The following SNX18 variants were observed in gnomAD, a reference collection of about 807,000 sequenced individuals.
SNX18 encodes sorting nexin 18.
A neutral mutation model predicts 48.7 loss-of-function variants in SNX18; 35 were observed. The ratio of observed to expected loss-of-function variants is 0.72; its 90% confidence interval spans 0.55 to 0.95. The LOEUF (loss-of-function observed/expected upper bound fraction) is 0.95, where lower values mean the gene tolerates loss of function less well. Among genes scored for constraint, SNX18 ranks in the 40% least tolerant of loss-of-function variants. The pLI, the probability that SNX18 is intolerant of heterozygous loss-of-function variation, is 0.00. For synonymous variants in SNX18, 492 were observed against 384.7 expected (o/e 1.28, Z -3.26); for missense variants, 824 against 871.0 (o/e 0.95, Z 0.68).
In SNX18 at chr5:54,518,463, C is replaced by T. The variant is rs560789757; in HGVS notation, c.511C>T (p.Leu171=). 3,425 of 1,571,278 alleles carry T rather than the reference C, an allele frequency of 2.2e-3. 6 individuals carry two copies. The highest frequency in any genetic ancestry group is 2.7e-3 in the Non-Finnish European group (3,104 of 1,159,102). The change falls in exon 1 of 2, where the codon CTG becomes TTG. Residue 171 remains leucine, a synonymous_variant. Coordinates refer to ENST00000381410, the MANE Select transcript of SNX18 (RefSeq NM_001102575.2). ...SSTVADEPGA[L]GSGAYPDLDG... ...CACGGTGGCGGACGAGCCGGGCGCTCTGGGCAGCGGAGCATACCCGGACCT... is the reference window on the plus strand; with the variant it reads ...CACGGTGGCGGACGAGCCGGGCGCTTTGGGCAGCGGAGCATACCCGGACCT...
At chr5:54,613,572 G>A in the SNX18 span, among the ~76,000 whole-genome samples, 1 of 152,184 alleles carries the variant, frequency 6.6e-6, no homozygotes, top group East Asian at 1.9e-4. Context: ...AACTTTGGAG[G>A]ACACATTCAA....
At chr5:54,522,516 C>T (rs908598482) in intron 1 of SNX18, among the ~76,000 whole-genome samples, 1 of 152,152 alleles carries the variant, frequency 6.6e-6, no homozygotes, top group Non-Finnish European at 1.5e-5. Context: ...TTTATTTTTA[C>T]TTGGTCATCT....
chr5:54,585,485 C>T, the SNX18 span, among the ~76,000 whole-genome samples: 4 of 151,980 alleles, frequency 2.6e-5, no homozygotes, highest in Non-Finnish European at 2.9e-5. Flanking sequence ...CTGGTTCCAG[C>T]CTGCTGGTCT....
intron 1 of SNX18, among the ~76,000 whole-genome samples, chr5:54,542,965 A>G (rs1374948313): frequency 6.6e-6 from 1 of 152,204 alleles, no homozygotes; most frequent in African/African-American, 2.4e-5. Flanking sequence ...TAGTTTTTGA[A>G]GAGAAATTTT....
chr5:54,577,862 T>C, the SNX18 span, among the ~76,000 whole-genome samples: 127,794 of 152,188 alleles, frequency 0.84, 53,691 homozygotes, highest in Non-Finnish European at 0.86. Flanking sequence ...CACCACATGG[T>C]GGTGGTGGGA....
intron 1 of SNX18, among the ~76,000 whole-genome samples, chr5:54,525,845 C>T (rs1014334488): frequency 6.6e-6 from 1 of 152,184 alleles, no homozygotes; most frequent in African/African-American, 2.4e-5. Flanking sequence ...TAATAGTGTT[C>T]TCTGTCTACT....
chr5:54,588,789 A>T, the SNX18 span, among the ~76,000 whole-genome samples: 1 of 152,194 alleles, frequency 6.6e-6, no homozygotes, highest in Non-Finnish European at 1.5e-5. Context: ...TTGCAAAGGT[A>T]TGATATCATC....
At chr5:54,640,278 A>G in the SNX18 span, among the ~76,000 whole-genome samples, 1 of 150,770 alleles carries the variant, frequency 6.6e-6, no homozygotes, top group Non-Finnish European at 1.5e-5. Flanking sequence ...CGGTAGCTCT[A>G]TCTCGGCTCA....
At chr5:54,578,443 G>A in the SNX18 span, among the ~76,000 whole-genome samples, 2 of 152,168 alleles carry the variant, frequency 1.3e-5, no homozygotes, top group Non-Finnish European at 2.9e-5. Context: ...GAGGCCCTGC[G>A]GCCTTAGTGG....
the SNX18 span, among the ~76,000 whole-genome samples, chr5:54,588,910 G>GCTTAGATCTCAATTTTCTTATCT: frequency 6.6e-6 from 1 of 152,096 alleles, no homozygotes; most frequent in East Asian, 1.9e-4. Context: ...AATTTACCAT[G>GCTTAGATCTCAATTTTCTTATCT]GTATCCTGTG....
At chr5:54,534,078 T>A (rs1426956098) in intron 1 of SNX18, among the ~76,000 whole-genome samples, 3 of 152,130 alleles carry the variant, frequency 2.0e-5, no homozygotes, top group Non-Finnish European at 4.4e-5. Flanking sequence ...CTTGAGCGAC[T>A]TCTAAGCAGC....
chr5:54,647,184 A>G, the SNX18 span, among the ~76,000 whole-genome samples: 1 of 152,362 alleles, frequency 6.6e-6, no homozygotes, highest in African/African-American at 2.4e-5. Flanking sequence ...TTACATCTGT[A>G]TTTATTCAAT....
At chr5:54,625,775 ATGGATAGGC>A in the SNX18 span, among the ~76,000 whole-genome samples, 1 of 152,278 alleles carries the variant, frequency 6.6e-6, no homozygotes, top group Middle Eastern at 3.4e-3. Context: ...TCATTGGCTC[ATGGATAGGC>A]ACATGATCCA....
At chr5:54,566,285 A>G in the SNX18 span, among the ~76,000 whole-genome samples, 7 of 152,232 alleles carry the variant, frequency 4.6e-5, no homozygotes, top group African/African-American at 1.7e-4. Context: ...ATGGTATAGA[A>G]TGGACAAGTT....
the SNX18 span, chr5:54,646,027 C>G: frequency 6.6e-6 from 1 of 152,180 alleles, no homozygotes; most frequent in Non-Finnish European, 1.5e-5. Context: ...GGTTGGGAAA[C>G]TTTTCTGGCA....
chr5:54,519,663 G>C (rs765164796), intron 1 of SNX18, 90 bp downstream of exon 1: 1 of 1,614,220 alleles, frequency 6.2e-7, no homozygotes, highest in African/African-American at 1.3e-5. Context: ...GTGGGTTTCA[G>C]AATCATATTC....
chr5:54,598,244 A>G, the SNX18 span, among the ~76,000 whole-genome samples: 5 of 152,158 alleles, frequency 3.3e-5, no homozygotes, highest in African/African-American at 4.8e-5. Context: ...TAAATAGCCC[A>G]CCAACCAAAA....
chr5:54,628,003 C>A, the SNX18 span, among the ~76,000 whole-genome samples: 3 of 152,112 alleles, frequency 2.0e-5, no homozygotes, highest in Non-Finnish European at 4.4e-5. Flanking sequence ...ATCATTGCAG[C>A]GAGACCCTAT....
the SNX18 span, among the ~76,000 whole-genome samples, chr5:54,637,659 T>C: frequency 6.6e-6 from 1 of 152,282 alleles, no homozygotes; most frequent in East Asian, 1.9e-4. Context: ...AACAGGGCAG[T>C]TGACATTACC....
Sources: allele counts gnomAD v4.1 joint callset (sites outside exome capture counted in the v4.1 genomes callset), GRCh38; gene constraint gnomAD v4.1.1; transcripts MANE v1.5; gene names NCBI Gene and HGNC (gene_info 2026-07-23, HGNC 2026-07-21).